CYP4F22: variants seen among roughly 807,000 people sequenced by gnomAD.
The protein encoded by CYP4F22 is ultra-long-chain fatty acid omega-hydroxylase.
CYP4F22 carries 37 observed loss-of-function variants against 60.4 expected under a neutral mutation model. The ratio of observed to expected loss-of-function variants is 0.61; its 90% CI spans 0.47 to 0.81. The LOEUF is 0.81. CYP4F22 is among the 30% of genes least tolerant of loss of function. CYP4F22 has a pLI of 0.00. For missense variants in CYP4F22, 655 were observed against 715.0 expected (o/e 0.92, Z 0.96); for synonymous variants, 258 against 280.5 (o/e 0.92, Z 0.80).
intron 3 of CYP4F22, among the ~76,000 whole-genome samples, chr19:15,527,900 G>T (rs1394452156): frequency 6.6e-5 from 10 of 152,164 alleles, no homozygotes; most frequent in African/African-American, 2.2e-4. Flanking sequence ...TAAGTGGCTT[G>T]CTCAAAGTCA....
Position 15,551,770 on chromosome 19 carries a change from C to A in CYP4F22, c.*299C>A, listed in dbSNP as rs1184241277. On this transcript the variant is annotated 3_prime_UTR_variant, in exon 14 of 14. Coordinates refer to ENST00000269703, the MANE Select transcript of CYP4F22 (RefSeq NM_173483.4). ...CTGCCCCCTTGGGCTCAGGCCCCGCCCCCAGGATCCTACGGATTGAGGTCC... is the reference window on the plus strand; with the variant it reads ...CTGCCCCCTTGGGCTCAGGCCCCGCACCCAGGATCCTACGGATTGAGGTCC... The A allele has an allele frequency of 9.9e-6, 5 of 503,942 alleles. No homozygotes were observed. The highest frequency in any genetic ancestry group is 9.6e-5 in the African/African-American group (5 of 51,902). The allele number at this position is 503,942 out of a possible 1,614,324, so 31.2% of individuals were successfully genotyped here.
chr19:15,543,858 GAAA>G (rs573134093), intron 8 of CYP4F22, 110 bp from the exon 9 acceptor site: 58,093 of 824,350 alleles, frequency 0.07, 42 homozygotes, highest in East Asian at 0.11. Context: ...CTCCATCTCA[GAAA>G]AAAAAAAAAA....
At chr19:15,546,157 T>A (rs1971523935) in intron 10 of CYP4F22, among the ~76,000 whole-genome samples, 1 of 152,162 alleles carries the variant, frequency 6.6e-6, no homozygotes, top group African/African-American at 2.4e-5. Context: ...AACATTTTTT[T>A]AAGAGATGGG....
At chr19:15,518,647 C>CAAAAAAAAAAAAAAAAAAAAA (rs748509278) in intron 1 of CYP4F22, among the ~76,000 whole-genome samples, 2 of 23,512 alleles carry the variant, frequency 8.5e-5, no homozygotes, top group African/African-American at 3.1e-4. Flanking sequence ...GACTTTGTCT[C>CAAAAAAAAAAAAAAAAAAAAA]AAAAAAAAAA....
At chr19:15,523,406 A>G (rs1230591069) in intron 1 of CYP4F22, among the ~76,000 whole-genome samples, 2 of 152,028 alleles carry the variant, frequency 1.3e-5, no homozygotes, top group East Asian at 3.9e-4. Flanking sequence ...ATGAGAACTC[A>G]CTCACTCACT....
In CYP4F22 at chr19:15,525,364, C is replaced by T; in HGVS notation, c.28C>T (p.His10Tyr). The change falls in exon 3 of 14, where the codon CAC becomes TAC. Residue 10 changes from histidine (H) to tyrosine (Y), a missense_variant. Physicochemically the swap from His to Tyr is moderately conservative, Grantham distance 83. Transcript: ENST00000269703. MLPITDRLLHLLGLEKTAFR... is the reference protein window; with the variant it reads MLPITDRLLYLLGLEKTAFR... ...GCTGCCCATCACAGACCGCCTGCTG[C>T]ACCTCCTGGGGCTGGAGAAGACGGC... 1.2e-6 allele frequency: 2 copies of T among 1,613,978 alleles called. No homozygotes were observed. Among genetic ancestry groups the T allele is most frequent in the Non-Finnish European group, 1.7e-6 (2 of 1,180,038 alleles).
At position 15,529,834 on chromosome 19, in the gene CYP4F22, A is replaced by C. The variant is rs1599799488; in HGVS notation, c.348A>C (p.Lys116Asn). 1.2e-6 allele frequency: 2 copies of C among 1,613,936 alleles called. No individual in the cohort carries two copies. Among genetic ancestry groups the C allele is most frequent in the Non-Finnish European group, 1.7e-6 (2 of 1,179,998 alleles). ...TTCTGGTGCACCCTGATTACATCAAACCCCTTTTGGGAGCCTCAGGTACGT... is the reference window on the plus strand; with the variant it reads ...TTCTGGTGCACCCTGATTACATCAACCCCCTTTTGGGAGCCTCAGGTACGT... Reference protein sequence around the residue: ...LLVLVHPDYIKPLLGASAAIA... With the variant: ...LLVLVHPDYINPLLGASAAIA... The change falls in exon 4 of 14, where the codon AAA (lysine) becomes AAC (asparagine). Residue 116 changes from lysine to asparagine, a missense_variant. This residue lies in a region of CYP4F22 where 430 missense variants were observed against 457.1 expected (regional missense o/e 0.94). Coordinates refer to ENST00000269703, the MANE Select transcript of CYP4F22 (RefSeq NM_173483.4).
chr19:15,517,022 T>C (rs901098513), intron 1 of CYP4F22, among the ~76,000 whole-genome samples: 1 of 152,094 alleles, frequency 6.6e-6, no homozygotes. Context: ...GGTTTTGCCA[T>C]GTTGGCCAGG....
At position 15,534,977 on chromosome 19, in the gene CYP4F22, A is replaced by G. The variant is rs554502806; in HGVS notation, c.368-2384A>G. On this transcript the variant is annotated intron_variant, in intron 4 of 13. Coordinates refer to ENST00000269703, the MANE Select transcript of CYP4F22 (RefSeq NM_173483.4). The stretch of plus-strand genomic sequence containing the variant: ...AAGCAGGAACTGGACAGCAAAGTGA[A>G]TGAACTTGTACTTTATCCTGGGAGT... Among the ~76,000 whole-genome samples, 21 of 152,288 alleles carry G rather than the reference A, an allele frequency of 1.4e-4. No homozygotes were observed. In the South Asian group the frequency reaches 4.4e-3, roughly 32 times the overall value.
rs1323141197 is a variant in CYP4F22 at position 15,509,904 on chromosome 19, C to CCTTCTTT, written c.-109+1324_-109+1325insCTTTCTT. Among the ~76,000 whole-genome samples the CCTTCTTT allele has an allele frequency of 1.0e-3, 90 of 86,764 alleles. 2 individuals are homozygous for CCTTCTTT. The highest frequency in any genetic ancestry group is 0.01 in the South Asian group (23 of 2,222). The allele number at this position is 86,764 out of a possible 152,430, so 56.9% of individuals were successfully genotyped here. ...TCCTTCCTTCCTTCCTTCCTTCCTTCCTTTCTTTCTTTCCTTCCTTCTTTC... is the reference window on the plus strand; with the variant it reads ...TCCTTCCTTCCTTCCTTCCTTCCTTCCTTCTTTCTTTCTTTCTTTCCTTCCTTCTTTC... On this transcript the variant is annotated intron_variant, in intron 1 of 13. Coordinates refer to ENST00000269703, the MANE Select transcript of CYP4F22 (RefSeq NM_173483.4).
intron 10 of CYP4F22, among the ~76,000 whole-genome samples, chr19:15,547,511 C>T (rs1289931558): frequency 1.3e-5 from 2 of 152,116 alleles, no homozygotes; most frequent in Non-Finnish European, 2.9e-5. Flanking sequence ...GGTTGGTGCT[C>T]AGATACTTTG....
Position 15,540,512 on chromosome 19 carries a change from A to G in CYP4F22, c.734A>G (p.Tyr245Cys), listed in dbSNP as rs145830520. ...ELSALSVRRQYRLHHYLDFIY... is the reference protein window; with the variant it reads ...ELSALSVRRQCRLHHYLDFIY... Reference sequence around the variant, plus strand: ...AGCGCTCTGTCTGTCCGGCGCCAGTATCGCTTGCACCACTACCTCGACTTC... The same window carrying G: ...AGCGCTCTGTCTGTCCGGCGCCAGTGTCGCTTGCACCACTACCTCGACTTC... The change falls in exon 8 of 14, where the codon TAT becomes TGT. Residue 245 changes from tyrosine (Y) to cysteine (C), a missense_variant. Tyr to Cys is a radical substitution (Grantham distance 194, BLOSUM62 -2). This residue lies in a region of CYP4F22 where 430 missense variants were observed against 457.1 expected (regional missense o/e 0.94). Transcript: ENST00000269703. The G allele has an allele frequency of 7.6e-5, 123 of 1,614,192 alleles. No individual in the cohort carries two copies. In the African/African-American group the frequency reaches 1.5e-3, roughly 20 times the overall value.
At chr19:15,546,040 T>C (rs1971523061) in intron 10 of CYP4F22, among the ~76,000 whole-genome samples, 1 of 152,164 alleles carries the variant, frequency 6.6e-6, no homozygotes, top group African/African-American at 2.4e-5. Flanking sequence ...AGTGGCATAA[T>C]CATAGCTCAC....
chr19:15,530,543 A>C (rs1971331661), intron 4 of CYP4F22, among the ~76,000 whole-genome samples: 1 of 152,078 alleles, frequency 6.6e-6, no homozygotes, highest in African/African-American at 2.4e-5. Context: ...GTCAGTTCTC[A>C]CGCTGCTATG....
chr19:15,520,076 G>A (rs1232003128), intron 1 of CYP4F22, among the ~76,000 whole-genome samples: 1 of 152,166 alleles, frequency 6.6e-6, no homozygotes, highest in Admixed American at 6.5e-5. Context: ...CCGGCGTGGT[G>A]GCTCAAGCCT....
chr19:15,513,359 A>AT (rs1971114718), intron 1 of CYP4F22, among the ~76,000 whole-genome samples: 1 of 73,360 alleles, frequency 1.4e-5, no homozygotes, highest in East Asian at 2.8e-4. Flanking sequence ...GTATATATAT[A>AT]TATTTTTTTT....
intron 10 of CYP4F22, among the ~76,000 whole-genome samples, chr19:15,547,301 G>A (rs888700108): frequency 1.3e-5 from 2 of 151,992 alleles, no homozygotes; most frequent in Admixed American, 6.6e-5. Context: ...TGGGATTACA[G>A]GCGAGAGCCA....
chr19:15,515,719 CTG>C (rs1225933559), intron 1 of CYP4F22, among the ~76,000 whole-genome samples: 1 of 151,438 alleles, frequency 6.6e-6, no homozygotes, highest in Non-Finnish European at 1.5e-5. Flanking sequence ...GAGCGAGACT[CTG>C]TCTTTTTTTT....
At chr19:15,512,305 A>G (rs1971101527) in intron 1 of CYP4F22, among the ~76,000 whole-genome samples, 1 of 152,134 alleles carries the variant, frequency 6.6e-6, no homozygotes, top group African/African-American at 2.4e-5. Flanking sequence ...GGCCTGTTGA[A>G]GTCAAAAGTG....
Sources: gnomAD v4.1 joint callset for allele counts (sites outside exome capture counted in the v4.1 genomes callset) on GRCh38, gnomAD v4.1.1 for gene constraint, gnomAD v4.1.1 regional missense constraint, MANE v1.5 for transcripts, NCBI Gene and HGNC (gene_info 2026-07-23, HGNC 2026-07-21) for gene names.